The following OCRL variants were observed in gnomAD, a reference collection of about 807,000 sequenced individuals.
The protein encoded by OCRL is OCRL inositol polyphosphate-5-phosphatase, also known as inositol polyphosphate 5-phosphatase OCRL.
OCRL carries 8 observed loss-of-function variants against 78.9 expected under a neutral mutation model. That is an observed-to-expected ratio of 0.10 (90% CI 0.06 to 0.18). The LOEUF (loss-of-function observed/expected upper bound fraction) is 0.18. Ranked by LOEUF, OCRL falls within the 10% of genes least tolerant of loss-of-function variation. The pLI, the probability that OCRL is intolerant of heterozygous loss-of-function variation, is 1.00. For missense variants in OCRL, 454 were observed against 696.7 expected (o/e 0.65, Z 3.92); for synonymous variants, 240 against 235.4 (o/e 1.02, Z -0.18).
chrX:129,569,847 T>C (rs1365251480), intron 15 of OCRL, among the ~76,000 whole-genome samples: 2 of 98,480 alleles, frequency 2.0e-5, no homozygotes. Flanking sequence ...TTTCTTTTTT[T>C]TTTTTTTTTT....
chrX:129,589,029 C>A lies in OCRL; in HGVS notation c.2469+16C>A. 1 of 1,210,833 alleles carries A rather than the reference C, an allele frequency of 8.3e-7. No homozygotes were observed. The highest frequency in any genetic ancestry group is 1.1e-6 in the Non-Finnish European group (1 of 895,014). On this transcript the variant is annotated intron_variant, in intron 22 of 23. Coordinates refer to ENST00000371113, the MANE Select transcript of OCRL (RefSeq NM_000276.4). The stretch of plus-strand genomic sequence containing the variant: ...CTGCCGACAGGTGGGTTCTACTGAC[C>A]TGGGGATGTGTTTGACGCAGATTGC...
chrX:129,551,823 G>A (rs962634984), intron 4 of OCRL, among the ~76,000 whole-genome samples: 1 of 112,272 alleles, frequency 8.9e-6, no homozygotes, highest in African/African-American at 3.2e-5. Flanking sequence ...GGTCAGGGAA[G>A]ACCTCTTTGA....
In OCRL at chrX:129,540,297, C is replaced by A; in HGVS notation, c.-143C>A. 1 of 658,768 alleles carries A rather than the reference C, an allele frequency of 1.5e-6. No individual in the cohort carries two copies. Among genetic ancestry groups the A allele is most frequent in the Non-Finnish European group, 2.3e-6 (1 of 427,089 alleles). The allele number at this position is 658,768 out of a possible 1,213,427, so 54.3% of individuals were successfully genotyped here. A position where few individuals can be genotyped will look rare whatever the true frequency, so the allele number is the denominator to read the frequency against. On this transcript the variant is annotated 5_prime_UTR_variant, in exon 1 of 24. Coordinates refer to ENST00000371113, the MANE Select transcript of OCRL (RefSeq NM_000276.4). ...GATTCTCAGCTCCCAGCTCCCCGCT[C>A]CCGGCTCCCGGCGCCCGGCGCCCGG... is the stretch of plus-strand genomic sequence containing the variant.
rs1556337113 is a variant in OCRL at position 129,540,654 on chromosome X, T to TTG, written c.40-90_40-89insTG. 4 of 453,932 alleles carry TTG rather than the reference T, an allele frequency of 8.8e-6. No homozygotes were observed. The Admixed American group carries it at 1.4e-4, about 16-fold the overall frequency. 37.4% of individuals were successfully genotyped at this position (453,932 alleles called of 1,213,427 possible). A position where few individuals can be genotyped will look rare whatever the true frequency, so the allele number is the denominator to read the frequency against. ...GGGGCGGGGCGGGGGAGGGCGGCGG[T>TTG]GGGGGGGGGGTGGAAGACCCCCTTC... On this transcript the variant is annotated intron_variant, in intron 1 of 23. Transcript: ENST00000371113.
intron 2 of OCRL, among the ~76,000 whole-genome samples, chrX:129,544,557 G>A (rs190900407): frequency 5.4e-5 from 6 of 111,829 alleles, no homozygotes; most frequent in African/African-American, 1.3e-4. Flanking sequence ...CCACACACAC[G>A]AGCAACTCCT....
At chrX:129,541,581 T>C (rs1935801505) in intron 2 of OCRL, among the ~76,000 whole-genome samples, 2 of 112,166 alleles carry the variant, frequency 1.8e-5, no homozygotes, top group Admixed American at 1.9e-4. Flanking sequence ...GTCACTAATA[T>C]CTTATCTCAA....
Position 129,567,351 on chromosome X carries a change from G to A in OCRL, c.1454G>A (p.Arg485Gln), listed in dbSNP as rs993587899. The A allele has an allele frequency of 6.0e-6, 7 of 1,163,980 alleles. No individual in the cohort carries two copies. Among genetic ancestry groups the A allele is most frequent in the Middle Eastern group, 2.3e-4 (1 of 4,262 alleles). The change falls in exon 14 of 24, where the codon CGG becomes CAG. Residue 485 changes from arginine to glutamine, a missense_variant. Coordinates refer to ENST00000371113, the MANE Select transcript of OCRL (RefSeq NM_000276.4). ...TATAAGTATGACTCTAAAACAGACCGGTGGGATTCCAGGTAAAGTAATAAG... is the reference window on the plus strand; with the variant it reads ...TATAAGTATGACTCTAAAACAGACCAGTGGGATTCCAGGTAAAGTAATAAG... ...PTYKYDSKTD[R>Q]WDSSGKCRVP...
chrX:129,587,124 T>C lies in OCRL; in HGVS notation c.2256+6T>C, dbSNP rs1171322303. On this transcript the variant is annotated splice_donor_region_variant and intron_variant, in intron 20 of 23. Transcript: ENST00000371113. The stretch of plus-strand genomic sequence containing the variant: ...TCAAATACGCCTGTCACCAGGTAAG[T>C]GAGAGTAGACCTTCCCTACAACTTT... The C allele has an allele frequency of 3.7e-6, 4 of 1,074,699 alleles. No homozygotes were observed. The highest frequency in any genetic ancestry group is 5.2e-6 in the Non-Finnish European group (4 of 770,553). The allele number at this position is 1,074,699 out of a possible 1,213,427, so 88.6% of individuals were successfully genotyped here.
chrX:129,576,303 C>G lies in OCRL; in HGVS notation c.1880-14C>G. The G allele has an allele frequency of 8.5e-7, 1 of 1,178,776 alleles. No individual in the cohort carries two copies. On this transcript the variant is annotated splice_polypyrimidine_tract_variant and intron_variant, in intron 17 of 23. Transcript: ENST00000371113. ...AGGTTTTCCTATTACCATGTATCAT[C>G]TCTTACATTTCAGATGAGACAGTGG... is the stretch of plus-strand genomic sequence containing the variant.
Position 129,562,299 on chromosome X carries a change from T to C in OCRL, c.940-85T>C, listed in dbSNP as rs1602785219. On this transcript the variant is annotated intron_variant, in intron 10 of 23. Transcript: ENST00000371113. The stretch of plus-strand genomic sequence containing the variant: ...AGATTTGGGCACTAGTATATCATCT[T>C]GATGGAAAATTAGTCGTGGGACATT... 1.6e-5 allele frequency: 12 copies of C among 736,962 alleles called. No individual in the cohort carries two copies. The East Asian group carries it at 2.9e-4, about 18-fold the overall frequency. 60.7% of individuals were successfully genotyped at this position (736,962 alleles called of 1,213,427 possible).
intron 4 of OCRL, 112 bp downstream of exon 4, chrX:129,548,713 G>A (rs1365293771): frequency 3.3e-6 from 2 of 611,713 alleles, no homozygotes; most frequent in Non-Finnish European, 5.4e-6. Context: ...ATCTTTTCCT[G>A]TAGTCTCCTG....
Position 129,540,430 on chromosome X carries a change from G to C in OCRL, c.-10G>C. The C allele has an allele frequency of 8.7e-7, 1 of 1,155,964 alleles. No individual in the cohort carries two copies. On this transcript the variant is annotated 5_prime_UTR_variant, in exon 1 of 24. Coordinates refer to ENST00000371113, the MANE Select transcript of OCRL (RefSeq NM_000276.4). ...AGTCCGCTGTCCTGCTGAGCCCGGAGGCCGCCTGGATGGAGCCGCCGCTCC... is the reference window on the plus strand; with the variant it reads ...AGTCCGCTGTCCTGCTGAGCCCGGACGCCGCCTGGATGGAGCCGCCGCTCC...
intron 12 of OCRL, among the ~76,000 whole-genome samples, chrX:129,563,800 G>T (rs771845887): frequency 1.2e-3 from 128 of 110,834 alleles, no homozygotes; most frequent in African/African-American, 4.1e-3. Flanking sequence ...TTACCATTCA[G>T]GACATAGGCA....
chrX:129,568,152 A>G (rs939422362), intron 14 of OCRL, among the ~76,000 whole-genome samples: 3 of 109,273 alleles, frequency 2.7e-5, no homozygotes, highest in Non-Finnish European at 5.7e-5. Flanking sequence ...TCCTGACCTC[A>G]TGATCCACCC....
At chrX:129,581,874 T>C (rs1161281916) in intron 18 of OCRL, among the ~76,000 whole-genome samples, 10 of 100,009 alleles carry the variant, frequency 1.0e-4, no homozygotes, top group Non-Finnish European at 1.8e-4. Context: ...TCTGTCTCTG[T>C]CTCTGCCCTT....
intron 5 of OCRL, 22 bp downstream of exon 5, chrX:129,557,457 T>A (rs1936071652): frequency 1.7e-6 from 2 of 1,157,897 alleles, no homozygotes; most frequent in Non-Finnish European, 2.4e-6. Context: ...CTCAGCGATT[T>A]TCTTTCTTCT....
At chrX:129,542,358 AAC>A (rs1430829228) in intron 2 of OCRL, among the ~76,000 whole-genome samples, 1 of 110,804 alleles carries the variant, frequency 9.0e-6, no homozygotes, top group Admixed American at 9.7e-5. Flanking sequence ...CTATATAACT[AAC>A]AACTAATATA....
At chrX:129,547,263 G>T (rs56360227) in intron 3 of OCRL, among the ~76,000 whole-genome samples, 42 of 109,813 alleles carry the variant, frequency 3.8e-4, no homozygotes, top group Middle Eastern at 4.7e-3. Flanking sequence ...CGGTGGCTCA[G>T]GCCTGTAATC....
At position 129,540,336 on chromosome X, in the gene OCRL, C is replaced by T. The variant is rs1935769468; in HGVS notation, c.-104C>T. 1 of 945,631 alleles carries T rather than the reference C, an allele frequency of 1.1e-6. No homozygotes were observed. The highest frequency in any genetic ancestry group is 2.6e-5 in the Admixed American group (1 of 38,278). The allele number at this position is 945,631 out of a possible 1,213,427, so 77.9% of individuals were successfully genotyped here. On this transcript the variant is annotated 5_prime_UTR_variant, in exon 1 of 24. Coordinates refer to ENST00000371113, the MANE Select transcript of OCRL (RefSeq NM_000276.4). ...CCCGGCGCCCGGCGCGGAGCTGTTC[C>T]TCAAACGACACGCAGCCGAGGTGGG...
Sources: gnomAD v4.1 joint callset for allele counts (sites outside exome capture counted in the v4.1 genomes callset) on GRCh38, gnomAD v4.1.1 for gene constraint, MANE v1.5 for transcripts, NCBI Gene and HGNC (gene_info 2026-07-23, HGNC 2026-07-21) for gene names.